The following STK4 variants were observed in gnomAD, a reference collection of about 807,000 sequenced individuals.
STK4 encodes serine/threonine-protein kinase 4.
In STK4, 30 loss-of-function variants were observed where a neutral mutation model predicts 64.9. The observed-to-expected ratio is 0.46, with a 90% CI of 0.35 to 0.63. The LOEUF (loss-of-function observed/expected upper bound fraction) is 0.63, where lower values mean the gene tolerates loss of function less well. Ranked by LOEUF, STK4 falls within the 20% of genes least tolerant of loss-of-function variation. The probability of loss-of-function intolerance (pLI) is 0.01; values close to 1 mark genes in which losing one functional copy is unlikely to be tolerated. For synonymous variants in STK4, 177 were observed against 199.0 expected, an observed-to-expected ratio of 0.89 and a Z score of 0.93; for missense variants, 466 against 598.5, an observed-to-expected ratio of 0.78 and a Z score of 2.31.
intron 9 of STK4, among the ~76,000 whole-genome samples, chr20:45,013,198 A>AT (rs1034439720): frequency 1.3e-5 from 2 of 151,702 alleles, no homozygotes; most frequent in African/African-American, 2.4e-5. Context: ...AATTCTTGGG[A>AT]TTTTTTACCA....
At chr20:45,013,606 G>A (rs1035783835) in intron 9 of STK4, among the ~76,000 whole-genome samples, 1 of 152,164 alleles carries the variant, frequency 6.6e-6, no homozygotes, top group Non-Finnish European at 1.5e-5. Context: ...GTTGAAGAGT[G>A]TGGTCTGTTA....
At chr20:45,043,026 C>A (rs2068637992) in intron 10 of STK4, among the ~76,000 whole-genome samples, 1 of 152,012 alleles carries the variant, frequency 6.6e-6, no homozygotes, top group Admixed American at 6.6e-5. Flanking sequence ...CTCTGACAGG[C>A]CCCAGTGTGT....
At chr20:45,012,813 T>TTTA (rs2068074993) in intron 9 of STK4, among the ~76,000 whole-genome samples, 1 of 148,406 alleles carries the variant, frequency 6.7e-6, no homozygotes, top group African/African-American at 2.5e-5. Context: ...TTTTTTTTTT[T>TTTA]GAGGCACTGT....
At chr20:45,054,016 C>A (rs1978312153) in intron 10 of STK4, among the ~76,000 whole-genome samples, 2 of 151,692 alleles carry the variant, frequency 1.3e-5, no homozygotes, top group South Asian at 4.2e-4. Context: ...TCTGGATTTT[C>A]CGTTTTGCAG....
At chr20:44,975,363 T>G in intron 2 of STK4, 3 of 984,752 alleles carry the variant, frequency 3.0e-6, no homozygotes, top group Non-Finnish European at 3.6e-6. Flanking sequence ...GAATCTTAAC[T>G]TCATGTGAGC....
At chr20:45,053,190 T>G in intron 10 of STK4, 3 of 1,605,138 alleles carry the variant, frequency 1.9e-6, no homozygotes, top group Non-Finnish European at 2.6e-6. Context: ...GGTAAATGAA[T>G]GTCATCTTTG....
intron 5 of STK4, among the ~76,000 whole-genome samples, chr20:44,992,689 T>C (rs1030038471): frequency 6.6e-6 from 1 of 151,854 alleles, no homozygotes; most frequent in African/African-American, 2.4e-5. Context: ...TGTTTTTTTT[T>C]TGTTTGTTTT....
chr20:45,012,245 A>G (rs1568720372), intron 9 of STK4, among the ~76,000 whole-genome samples: 2 of 152,114 alleles, frequency 1.3e-5, no homozygotes, highest in African/African-American at 4.8e-5. Context: ...TGTTTTGGCC[A>G]GGATGGTCTC....
chr20:45,012,195 C>G (rs113150454), intron 9 of STK4, among the ~76,000 whole-genome samples: 2 of 152,018 alleles, frequency 1.3e-5, no homozygotes, highest in African/African-American at 4.8e-5. Flanking sequence ...ACCACCACAC[C>G]TGGCTAATGG....
chr20:45,024,571 A>G (rs1180291091), intron 9 of STK4, among the ~76,000 whole-genome samples: 2 of 152,154 alleles, frequency 1.3e-5, no homozygotes, highest in South Asian at 4.1e-4. Flanking sequence ...TTAAATGCCT[A>G]TAGAGAATAT....
At chr20:45,045,883 T>C (rs573122641) in intron 10 of STK4, among the ~76,000 whole-genome samples, 1 of 152,170 alleles carries the variant, frequency 6.6e-6, no homozygotes, top group South Asian at 2.1e-4. Flanking sequence ...CTCGGCTCAC[T>C]GCAACCTCTG....
At chr20:44,972,621 A>T (rs1000075904) in intron 2 of STK4, 1 of 152,736 alleles carries the variant, frequency 6.5e-6, no homozygotes, top group Non-Finnish European at 1.5e-5. Flanking sequence ...GAGCCAGTGG[A>T]TTTCCTGAAA....
chr20:45,039,558 T>G (rs1311134309), intron 10 of STK4, among the ~76,000 whole-genome samples: 1 of 152,160 alleles, frequency 6.6e-6, no homozygotes, highest in African/African-American at 2.4e-5. Flanking sequence ...TACTCACAGT[T>G]TGTCATTTTT....
chr20:44,998,358 A>T (rs1373912728), intron 7 of STK4, among the ~76,000 whole-genome samples: 1 of 152,144 alleles, frequency 6.6e-6, no homozygotes, highest in African/African-American at 2.4e-5. Flanking sequence ...GGGATACAGT[A>T]CCTGCCTCAT....
intron 10 of STK4, among the ~76,000 whole-genome samples, chr20:45,027,038 G>C (rs1240559016): frequency 6.6e-6 from 1 of 152,114 alleles, no homozygotes; most frequent in East Asian, 1.9e-4. Flanking sequence ...TTAACTACTG[G>C]GTACCAAATC....
intron 9 of STK4, among the ~76,000 whole-genome samples, chr20:45,005,072 C>T (rs1413314711): frequency 6.6e-6 from 1 of 151,934 alleles, no homozygotes; most frequent in Non-Finnish European, 1.5e-5. Context: ...CGCCCAGCCT[C>T]CTTTCTTTCC....
intron 9 of STK4, among the ~76,000 whole-genome samples, chr20:45,009,198 C>A (rs766996260): frequency 1.6e-4 from 25 of 152,140 alleles, no homozygotes; most frequent in Non-Finnish European, 2.8e-4. Context: ...AATCCATCTT[C>A]ACTTAATTTT....
intron 10 of STK4, among the ~76,000 whole-genome samples, chr20:45,038,163 C>T (rs1201836448): frequency 1.3e-5 from 2 of 152,072 alleles, no homozygotes; most frequent in African/African-American, 2.4e-5. Context: ...TGTCCCATTA[C>T]TCAGTTACAA....
At chr20:45,065,401 TG>T (rs1979477064) in intron 10 of STK4, among the ~76,000 whole-genome samples, 1 of 152,194 alleles carries the variant, frequency 6.6e-6, no homozygotes, top group Non-Finnish European at 1.5e-5. Context: ...AAAAATGGCC[TG>T]AAGTTTTTTT....
Sources: gnomAD v4.1 joint callset for allele counts (sites outside exome capture counted in the v4.1 genomes callset) on GRCh38, gnomAD v4.1.1 for gene constraint, MANE v1.5 for transcripts, NCBI Gene and HGNC (gene_info 2026-07-23, HGNC 2026-07-21) for gene names.